The following TBC1D16 variants were observed in gnomAD, a reference collection of about 807,000 sequenced individuals.
TBC1D16 encodes the protein TBC1 domain family member 16, also known as CTD-2529O21.1.
A neutral mutation model predicts 74.7 loss-of-function variants in TBC1D16; 58 were observed. The ratio of observed to expected loss-of-function variants is 0.78; its 90% CI spans 0.63 to 0.97. The LOEUF is 0.97. Among genes scored for constraint, TBC1D16 ranks in the 50% least tolerant of loss-of-function variants. TBC1D16 has a pLI of 0.00. For missense variants in TBC1D16, 1,014 were observed against 1,079.5 expected (o/e 0.94, Z 0.85); for synonymous variants, 493 against 474.7 (o/e 1.04, Z -0.50).
chr17:80,013,229 G>A lies in TBC1D16; in HGVS notation c.181+138C>T, dbSNP rs750725041. 2.8e-4 allele frequency: 241 copies of A among 845,808 alleles called. 2 individuals are homozygous for A. Among genetic ancestry groups the A allele is most frequent in the Non-Finnish European group, 3.6e-4 (206 of 569,672 alleles). The allele number at this position is 845,808 out of a possible 1,614,324, so 52.4% of individuals were successfully genotyped here. A position where few individuals can be genotyped will look rare whatever the true frequency, so the allele number is the denominator to read the frequency against. On this transcript the variant is annotated intron_variant, in intron 2 of 11. Coordinates refer to ENST00000310924, the MANE Select transcript of TBC1D16 (RefSeq NM_019020.4). The stretch of plus-strand genomic sequence containing the variant: ...CACCCCCCAGACCCTCCTTCCGGGA[G>A]GACAGCTGCTGTTAGTTACACGTTC...
At chr17:79,991,595 G>A (rs1393758086) in intron 3 of TBC1D16, among the ~76,000 whole-genome samples, 1 of 151,956 alleles carries the variant, frequency 6.6e-6, no homozygotes, top group Non-Finnish European at 1.5e-5. Flanking sequence ...ATATCCACGT[G>A]ATTTAGGATT....
Position 79,936,381 on chromosome 17 carries a change from C to G in TBC1D16, c.*4478G>C, listed in dbSNP as rs1206327746. ...ACGGCTGATGGCTGAGGTCAGCGGT[C>G]TCTTCCCTGAGTGGCAGGTGTGGTC... is the stretch of plus-strand genomic sequence containing the variant. On this transcript the variant is annotated 3_prime_UTR_variant, in exon 12 of 12. Coordinates refer to ENST00000310924, the MANE Select transcript of TBC1D16 (RefSeq NM_019020.4). 1 of 152,266 alleles carries G rather than the reference C, an allele frequency of 6.6e-6. No individual in the cohort carries two copies. The highest frequency in any genetic ancestry group is 1.5e-5 in the Non-Finnish European group (1 of 68,066). 9.4% of individuals were successfully genotyped at this position (152,266 alleles called of 1,614,324 possible).
rs200434986 is a variant in TBC1D16 at position 80,029,416 on chromosome 17, CAT to C, written c.-63+6377_-63+6378del. On this transcript the variant is annotated intron_variant, in intron 1 of 11. Transcript: ENST00000310924. ...AGCTGTGAGCCTGCTGTTAACCACA[CAT>C]GTTCCCTTCCCGTCCCCTAGGAGCC... Among the ~76,000 whole-genome samples the C allele has an allele frequency of 7.6e-4, 116 of 152,276 alleles. 1 individual carries two copies. The highest frequency in any genetic ancestry group is 3.9e-3 in the East Asian group (20 of 5,174).
chr17:79,951,399 G>C (rs756526099), intron 5 of TBC1D16, 51 bp downstream of exon 5: 10 of 1,592,510 alleles, frequency 6.3e-6, no homozygotes, highest in Admixed American at 5.1e-5. Flanking sequence ...GGGCCCGTGG[G>C]GGGTGGGGAG....
rs866470089 is a variant in TBC1D16 at position 80,023,664 on chromosome 17, C to A, written c.-62-10055G>T. On this transcript the variant is annotated intron_variant, in intron 1 of 11. Transcript: ENST00000310924. The stretch of plus-strand genomic sequence containing the variant: ...AGCGAGAACTGCTGCCGGGCCCCCC[C>A]CCACCGGCTCAGGGCGTGGCTGGGG... Among the ~76,000 whole-genome samples, 149 of 141,220 alleles carry A rather than the reference C, an allele frequency of 1.1e-3. 16 individuals are homozygous for A. Among genetic ancestry groups the A allele is most frequent in the African/African-American group, 3.0e-3 (108 of 35,504 alleles). 92.6% of individuals were successfully genotyped at this position (141,220 alleles called of 152,430 possible).
intron 1 of TBC1D16, among the ~76,000 whole-genome samples, chr17:80,027,289 C>T (rs926856555): frequency 6.6e-6 from 1 of 151,994 alleles, no homozygotes; most frequent in Non-Finnish European, 1.5e-5. Context: ...ATGGTGAAAC[C>T]CCGTCTCTAC....
intron 3 of TBC1D16, among the ~76,000 whole-genome samples, chr17:79,955,729 T>A (rs2033303869): frequency 6.6e-6 from 1 of 152,210 alleles, no homozygotes; most frequent in African/African-American, 2.4e-5. Context: ...CAGTTCTTCA[T>A]TTCTATCATT....
intron 3 of TBC1D16, among the ~76,000 whole-genome samples, chr17:79,970,855 G>A (rs1421183087): frequency 1.3e-4 from 4 of 30,910 alleles, no homozygotes; most frequent in South Asian, 8.2e-4. Context: ...CAAAAACAGC[G>A]CCACCCTGGA....
intron 1 of TBC1D16, among the ~76,000 whole-genome samples, chr17:80,018,044 A>T (rs2036152401): frequency 6.6e-6 from 1 of 152,230 alleles, no homozygotes; most frequent in Non-Finnish European, 1.5e-5. Flanking sequence ...TAGTTTAAGA[A>T]TTCAAGAATT....
chr17:79,976,398 T>C (rs1328177639), intron 3 of TBC1D16, among the ~76,000 whole-genome samples: 1 of 152,094 alleles, frequency 6.6e-6, no homozygotes, highest in Non-Finnish European at 1.5e-5. Context: ...CCACTGGACA[T>C]TTGGGAAGAG....
At position 79,990,446 on chromosome 17, in the gene TBC1D16, C is replaced by G. The variant is rs184789719; in HGVS notation, c.779+19714G>C. Among the ~76,000 whole-genome samples, 80 of 152,334 alleles carry G rather than the reference C, an allele frequency of 5.3e-4. No homozygotes were observed. Among genetic ancestry groups the G allele is most frequent in the African/African-American group, 1.9e-3 (77 of 41,586 alleles). ...AATGCTTGAAGTTCACGACCAATTG[C>G]TGGGGTGGGGACAACCTACACAGGC... On this transcript the variant is annotated intron_variant, in intron 3 of 11. Coordinates refer to ENST00000310924, the MANE Select transcript of TBC1D16 (RefSeq NM_019020.4). This position sits in a 1 kb window ranked among gnomAD's most constrained non-coding sequence, Gnocchi z 4.8.
intron 3 of TBC1D16, among the ~76,000 whole-genome samples, chr17:80,003,659 A>G (rs1435327847): frequency 2.6e-5 from 4 of 151,916 alleles, no homozygotes; most frequent in Non-Finnish European, 5.9e-5. Context: ...AAAAAAAAAA[A>G]GTGCTCATAA....
intron 1 of TBC1D16, among the ~76,000 whole-genome samples, chr17:80,027,500 G>A (rs922352758): frequency 6.6e-6 from 1 of 152,188 alleles, no homozygotes; most frequent in Non-Finnish European, 1.5e-5. Flanking sequence ...TCAGGAGGCT[G>A]AGGTGGGAGG....
chr17:80,021,235 G>A (rs1221539061), intron 1 of TBC1D16, among the ~76,000 whole-genome samples: 1 of 148,668 alleles, frequency 6.7e-6, no homozygotes, highest in Non-Finnish European at 1.5e-5. Context: ...CTGGAAACAA[G>A]AGTGAAACTC....
chr17:80,022,689 T>C (rs1165245413), intron 1 of TBC1D16, among the ~76,000 whole-genome samples: 2 of 145,920 alleles, frequency 1.4e-5, no homozygotes, highest in African/African-American at 5.4e-5. Context: ...CAGGCTGGAG[T>C]GAAATGGCAC....
Position 79,933,993 on chromosome 17 carries a change from C to A in TBC1D16, c.*6866G>T, listed in dbSNP as rs1027876485. The A allele has an allele frequency of 1.3e-5, 2 of 152,260 alleles. No individual in the cohort carries two copies. The highest frequency in any genetic ancestry group is 2.9e-5 in the Non-Finnish European group (2 of 68,086). The allele number at this position is 152,260 out of a possible 1,614,324, so 9.4% of individuals were successfully genotyped here. The stretch of plus-strand genomic sequence containing the variant: ...CTGTGCGGCTGGTTGAGTGTAAACG[C>A]TGAGTCATGCTCGCTGCCCAGCTGT... On this transcript the variant is annotated 3_prime_UTR_variant, in exon 12 of 12. Coordinates refer to ENST00000310924, the MANE Select transcript of TBC1D16 (RefSeq NM_019020.4).
chr17:79,953,945 T>C (rs2033210537), intron 3 of TBC1D16, among the ~76,000 whole-genome samples: 1 of 151,994 alleles, frequency 6.6e-6, no homozygotes, highest in Non-Finnish European at 1.5e-5. Flanking sequence ...TAATTCTATA[T>C]ATTTAGTAGA....
At chr17:79,984,588 AAG>A (rs1232800354) in intron 3 of TBC1D16, among the ~76,000 whole-genome samples, 4 of 139,040 alleles carry the variant, frequency 2.9e-5, no homozygotes, top group African/African-American at 8.1e-5. Flanking sequence ...AAGAAAAAGA[AAG>A]AAAGAGAAAG....
chr17:79,975,286 G>A lies in TBC1D16; in HGVS notation c.780-22468C>T, dbSNP rs993793114. 2.6e-5 allele frequency among the ~76,000 whole-genome samples: 4 copies of A among 152,204 alleles called. No homozygotes were observed. The highest frequency in any genetic ancestry group is 7.2e-5 in the African/African-American group (3 of 41,446). On this transcript the variant is annotated intron_variant, in intron 3 of 11. Transcript: ENST00000310924. This position sits in a 1 kb window ranked among gnomAD's most constrained non-coding sequence, Gnocchi z 4.5. ...AAGAACAAAACAAACCCGATCTCCT[G>A]TAATCTACCTGGATTGGAACGCCCA...
Sources: allele counts gnomAD v4.1 joint callset (sites outside exome capture counted in the v4.1 genomes callset), GRCh38; gene constraint gnomAD v4.1.1; non-coding constraint Gnocchi (gnomAD v3.1); transcripts MANE v1.5; gene names NCBI Gene and HGNC (gene_info 2026-07-23, HGNC 2026-07-21).